PRKAG2: variants seen among roughly 807,000 people sequenced by gnomAD.
PRKAG2 encodes protein kinase AMP-activated non-catalytic subunit gamma 2.
A neutral mutation model predicts 69.6 loss-of-function variants in PRKAG2; 26 were observed. The ratio of observed to expected loss-of-function variants is 0.37; its 90% CI spans 0.27 to 0.52. The LOEUF (loss-of-function observed/expected upper bound fraction) is 0.52. Ranked by LOEUF, PRKAG2 falls within the 20% of genes least tolerant of loss-of-function variation. The pLI is 0.90. For missense variants in PRKAG2, 557 were observed against 740.0 expected (o/e 0.75, Z 2.87); for synonymous variants, 293 against 285.0 (o/e 1.03, Z -0.28).
chr7:151,622,857 C>T (rs561886449), intron 5 of PRKAG2, among the ~76,000 whole-genome samples: 3 of 152,314 alleles, frequency 2.0e-5, no homozygotes, highest in Non-Finnish European at 2.9e-5. Flanking sequence ...TCTTCCTAGT[C>T]ATCATCGCAG....
intron 15 of PRKAG2, chr7:151,558,872 G>A (rs763419509): frequency 5.5e-5 from 54 of 985,246 alleles, no homozygotes; most frequent in African/African-American, 1.0e-4. Context: ...CAGCACAACC[G>A]TTCATTCTTA....
chr7:151,576,344 G>C (rs781633077), intron 7 of PRKAG2, 27 bp downstream of exon 7: 2 of 1,546,910 alleles, frequency 1.3e-6, no homozygotes, highest in Non-Finnish European at 1.8e-6. Context: ...TTCCATTTTC[G>C]ATTTTCCTCA....
At chr7:151,659,531 C>G (rs1354695441) in intron 4 of PRKAG2, among the ~76,000 whole-genome samples, 2 of 152,206 alleles carry the variant, frequency 1.3e-5, no homozygotes, top group African/African-American at 4.8e-5. Context: ...GATATCTTAA[C>G]ACAGGGGTTC....
intron 15 of PRKAG2, chr7:151,559,885 C>T: frequency 1.0e-6 from 1 of 985,242 alleles, no homozygotes; most frequent in Non-Finnish European, 1.2e-6. Context: ...TTTAAGAACT[C>T]TCAAGCCCAC....
intron 3 of PRKAG2, chr7:151,735,911 T>C (rs138051386): frequency 1.6e-5 from 24 of 1,536,294 alleles, no homozygotes; most frequent in Non-Finnish European, 2.1e-5. Context: ...GAAAAGGCCA[T>C]GAGGCTCCGA....
intron 15 of PRKAG2, chr7:151,558,169 G>A (rs554865950): frequency 1.3e-5 from 13 of 985,306 alleles, no homozygotes; most frequent in Non-Finnish European, 1.6e-5. Flanking sequence ...GTTTGACAAT[G>A]AACTGTTGCT....
At position 151,570,084 on chromosome 7, in the gene PRKAG2, A is replaced by T; in HGVS notation, c.1106+87T>A. On this transcript the variant is annotated intron_variant, in intron 10 of 15. Transcript: ENST00000287878. Reference sequence around the variant, plus strand: ...GCAGGCCCTGTTTGGAATGAAGAACATGTTTATTTGTGTCTTTCTTTCTAT... The same window carrying T: ...GCAGGCCCTGTTTGGAATGAAGAACTTGTTTATTTGTGTCTTTCTTTCTAT... The T allele has an allele frequency of 2.0e-6, 3 of 1,463,606 alleles. 1 individual carries two copies. In the South Asian group the frequency reaches 3.5e-5, roughly 17 times the overall value. 90.7% of individuals were successfully genotyped at this position (1,463,606 alleles called of 1,614,324 possible).
At chr7:151,865,657 C>G (rs1039248601) in intron 1 of PRKAG2, among the ~76,000 whole-genome samples, 1 of 152,180 alleles carries the variant, frequency 6.6e-6, no homozygotes, top group Non-Finnish European at 1.5e-5. Context: ...AGTGTTCATT[C>G]TAATCTCCAT....
intron 1 of PRKAG2, among the ~76,000 whole-genome samples, chr7:151,866,832 G>A (rs2080090167): frequency 6.6e-6 from 1 of 152,086 alleles, no homozygotes; most frequent in African/African-American, 2.4e-5. Flanking sequence ...TTGAGCAGGT[G>A]ACAGAGCTGT....
chr7:151,660,668 G>A (rs1226225051), intron 4 of PRKAG2, among the ~76,000 whole-genome samples: 1 of 152,172 alleles, frequency 6.6e-6, no homozygotes, highest in Non-Finnish European at 1.5e-5. Flanking sequence ...ACAGGGACCT[G>A]ATTATACTAT....
At chr7:151,678,056 C>T (rs1233618585) in intron 3 of PRKAG2, among the ~76,000 whole-genome samples, 1 of 152,228 alleles carries the variant, frequency 6.6e-6, no homozygotes, top group African/African-American at 2.4e-5. Flanking sequence ...CCAGGCATCT[C>T]TGCTGGGTTC....
At chr7:151,792,501 C>T (rs944864065) in intron 1 of PRKAG2, among the ~76,000 whole-genome samples, 1 of 152,252 alleles carries the variant, frequency 6.6e-6, no homozygotes, top group Non-Finnish European at 1.5e-5. Context: ...GTTTTACTCA[C>T]ATCTTAGCCC....
intron 1 of PRKAG2, among the ~76,000 whole-genome samples, chr7:151,867,714 C>G (rs1464566978): frequency 6.6e-6 from 1 of 152,144 alleles, no homozygotes; most frequent in Admixed American, 6.5e-5. Context: ...TCCTCGACAC[C>G]CAGCCCAGTC....
At chr7:151,732,786 G>A (rs1030763045) in intron 3 of PRKAG2, among the ~76,000 whole-genome samples, 12 of 152,162 alleles carry the variant, frequency 7.9e-5, no homozygotes, top group South Asian at 2.1e-4. Context: ...TCCTCCTCCC[G>A]GGTTTCAGCA....
At chr7:151,747,003 T>C (rs1176101003) in intron 3 of PRKAG2, among the ~76,000 whole-genome samples, 1 of 152,216 alleles carries the variant, frequency 6.6e-6, no homozygotes, top group Non-Finnish European at 1.5e-5. Flanking sequence ...CTAAGAAAAC[T>C]TTATTCGCAG....
intron 3 of PRKAG2, among the ~76,000 whole-genome samples, chr7:151,701,492 CAG>C (rs1420597610): frequency 2.6e-5 from 4 of 152,174 alleles, no homozygotes; most frequent in Admixed American, 1.3e-4. Flanking sequence ...AACGTGGACA[CAG>C]ATACACAGGG....
intron 6 of PRKAG2, among the ~76,000 whole-genome samples, chr7:151,585,239 A>T (rs1811363944): frequency 6.6e-6 from 1 of 152,236 alleles, no homozygotes; most frequent in Non-Finnish European, 1.5e-5. Context: ...AGCAGTCTAC[A>T]GGTTGAACGT....
chr7:151,688,471 C>CGGTGTG (rs760660999), intron 3 of PRKAG2, among the ~76,000 whole-genome samples: 79 of 152,256 alleles, frequency 5.2e-4, no homozygotes, highest in Non-Finnish European at 9.1e-4. Context: ...CGATGAGATG[C>CGGTGTG]GGTGTGGGGA....
chr7:151,875,565 GTGTGTGTGT>G (rs1563774134), intron 1 of PRKAG2, among the ~76,000 whole-genome samples: 2,107 of 41,444 alleles, frequency 0.051, 26 homozygotes, highest in Non-Finnish European at 0.068. Context: ...GCACTCTGGT[GTGTGTGTGT>G]GTGTGTGTGT....
Sources: allele counts gnomAD v4.1 joint callset (sites outside exome capture counted in the v4.1 genomes callset), GRCh38; gene constraint gnomAD v4.1.1; transcripts MANE v1.5; gene names NCBI Gene and HGNC (gene_info 2026-07-23, HGNC 2026-07-21).